The following NUP214 variants were observed in gnomAD, a reference collection of about 807,000 sequenced individuals.
NUP214 encodes nuclear pore complex protein Nup214.
Under a neutral mutation model 196.2 loss-of-function variants are expected in NUP214, and 79 were observed. That is an observed-to-expected ratio of 0.40 (90% confidence interval 0.34 to 0.49). The LOEUF (loss-of-function observed/expected upper bound fraction) is 0.49, where lower values mean the gene tolerates loss of function less well. Among genes scored for constraint, NUP214 ranks in the 20% least tolerant of loss-of-function variants. The pLI is 0.58. For missense variants in NUP214, 2,468 were observed against 2,539.0 expected (o/e 0.97, Z 0.60); for synonymous variants, 1,020 against 990.5 (o/e 1.03, Z -0.56).
intron 6 of NUP214, 154 bp from the exon 7 acceptor site, chr9:131,132,952 T>C: frequency 3.0e-6 from 2 of 662,368 alleles, no homozygotes; most frequent in Admixed American, 3.1e-5. Context: ...TTTGGGCTTC[T>C]TGGGTCATTG....
intron 23 of NUP214, among the ~76,000 whole-genome samples, chr9:131,176,760 A>G (rs752190103): frequency 1.6e-4 from 24 of 152,138 alleles, no homozygotes; most frequent in Non-Finnish European, 2.9e-4. Context: ...GTTAATGTAC[A>G]TTGTACATTA....
intron 24 of NUP214, 122 bp from the exon 25 acceptor site, chr9:131,187,167 C>T (rs1378020631): frequency 2.7e-6 from 2 of 729,044 alleles, no homozygotes; most frequent in Middle Eastern, 2.4e-4. Flanking sequence ...TATTGGGGTC[C>T]CATGCATCTG....
chr9:131,225,710 A>T (rs1834701466), intron 32 of NUP214, among the ~76,000 whole-genome samples: 1 of 152,288 alleles, frequency 6.6e-6, no homozygotes, highest in South Asian at 2.1e-4. Context: ...AGGGGACTGG[A>T]AGTCCCGAGC....
Position 131,146,304 on chromosome 9 carries a change from G to C in NUP214, c.1945G>C (p.Gly649Arg). Reference sequence around the variant, plus strand: ...GTCCTCAGTCTTGCCCTCACCATCAGGTATGATTTTAAGCAGACAACTTTA... The same window carrying C: ...GTCCTCAGTCTTGCCCTCACCATCACGTATGATTTTAAGCAGACAACTTTA... The part of the protein sequence containing the change: ...LKSSVLPSPS[G>R]RSAQGSSSPV... The change falls in exon 13 of 36, where the codon GGA becomes CGA. Residue 649 changes from glycine to arginine, a missense_variant and splice_region_variant. Gly to Arg is a moderately radical substitution (Grantham distance 125). This residue lies in a region of NUP214 where 1,801 missense variants were observed against 1,779.4 expected (regional missense o/e 1.01). Transcript: ENST00000359428. This position sits in a 1 kb window ranked among gnomAD's most constrained non-coding sequence, Gnocchi z 4.6. The C allele has an allele frequency of 1.2e-6, 2 of 1,613,862 alleles. No individual in the cohort carries two copies. The highest frequency in any genetic ancestry group is 1.7e-6 in the Non-Finnish European group (2 of 1,179,814).
At chr9:131,199,140 G>C (rs1833878386) in intron 29 of NUP214, 125 bp downstream of exon 29, 1 of 1,218,254 alleles carries the variant, frequency 8.2e-7, no homozygotes. Context: ...GTAGGTTAAA[G>C]AAGACAGCTT....
In NUP214 at chr9:131,174,447, CTTTTTTTCTTTT is replaced by C. The variant is rs1322568102; in HGVS notation, c.3157+137_3157+148del. ...CTCCAGCCCACTTTTTTTTTTTTTT[CTTTTTTTCTTTT>C]TTTTTTTGAGGTGGAGTCTCACTCT... On this transcript the variant is annotated intron_variant, in intron 22 of 35. Coordinates refer to ENST00000359428, the MANE Select transcript of NUP214 (RefSeq NM_005085.4). 6.6e-5 allele frequency: 23 copies of C among 350,278 alleles called. 1 individual carries two copies. The highest frequency in any genetic ancestry group is 1.0e-4 in the South Asian group (3 of 30,132). 21.7% of individuals were successfully genotyped at this position (350,278 alleles called of 1,614,324 possible).
At position 131,151,725 on chromosome 9, in the gene NUP214, A is replaced by C; in HGVS notation, c.2278-11A>C. The C allele has an allele frequency of 1.3e-6, 2 of 1,596,920 alleles. No individual in the cohort carries two copies. The highest frequency in any genetic ancestry group is 1.7e-6 in the Non-Finnish European group (2 of 1,175,018). On this transcript the variant is annotated splice_polypyrimidine_tract_variant and intron_variant, in intron 16 of 35. Transcript: ENST00000359428. Reference sequence around the variant, plus strand: ...ACTTTTTGTACCAACACATTATTGTACTTTTTCTAGTCGCTTCATGGAGAT... The same window carrying C: ...ACTTTTTGTACCAACACATTATTGTCCTTTTTCTAGTCGCTTCATGGAGAT...
chr9:131,227,473 AAAG>A (rs2131103909), intron 32 of NUP214, among the ~76,000 whole-genome samples: 1 of 152,236 alleles, frequency 6.6e-6, no homozygotes, highest in Non-Finnish European at 1.5e-5. Flanking sequence ...CTGCAGGAAA[AAAG>A]CATTTAAAAA....
chr9:131,128,973 A>G (rs866941317), intron 3 of NUP214, among the ~76,000 whole-genome samples: 1 of 152,218 alleles, frequency 6.6e-6, no homozygotes, highest in African/African-American at 2.4e-5. Context: ...AGGTCCCAAC[A>G]TTATTAAGAA....
chr9:131,215,716 C>T (rs1405318606), intron 31 of NUP214, among the ~76,000 whole-genome samples: 1 of 151,852 alleles, frequency 6.6e-6, no homozygotes, highest in Non-Finnish European at 1.5e-5. Context: ...CAGAGCAAGC[C>T]GAGGATGCTG....
At position 131,135,995 on chromosome 9, in the gene NUP214, C is replaced by G. The variant is rs1233235689; in HGVS notation, c.994C>G (p.Gln332Glu). The G allele has an allele frequency of 6.2e-7, 1 of 1,612,608 alleles. No individual in the cohort carries two copies. Among genetic ancestry groups the G allele is most frequent in the Non-Finnish European group, 8.5e-7 (1 of 1,178,732 alleles). ...AACAGAAGTTAGTATCCTTGCTCGA[C>G]AAAGTGATCAGGTAAATCTCTTTTT... Reference protein sequence around the residue: ...ASTEVSILARQSDQINWESWL... With the variant: ...ASTEVSILARESDQINWESWL... Residue 332 changes from glutamine (Q) to glutamate (E), a missense_variant, in exon 9 of 36, where the codon CAA becomes GAA. Physicochemically the swap from Gln to Glu is conservative, Grantham distance 29. Transcript: ENST00000359428.
intron 11 of NUP214, chr9:131,141,732 G>A (rs540418934): frequency 1.3e-5 from 2 of 152,230 alleles, no homozygotes; most frequent in East Asian, 3.9e-4. Flanking sequence ...TTCTGCTTCA[G>A]CCTCCCAAAG....
At chr9:131,169,034 G>GTTTTTTT (rs58054099) in intron 21 of NUP214, among the ~76,000 whole-genome samples, 2 of 124,132 alleles carry the variant, frequency 1.6e-5, no homozygotes, top group South Asian at 2.4e-4. Flanking sequence ...GTTTTTTTTT[G>GTTTTTTT]TTTTTTTTTT....
At chr9:131,227,530 A>G (rs139088218) in intron 32 of NUP214, among the ~76,000 whole-genome samples, 2 of 151,884 alleles carry the variant, frequency 1.3e-5, no homozygotes, top group African/African-American at 4.8e-5. Context: ...GGAGACTCTG[A>G]TGAGAGACGT....
At chr9:131,189,625 T>C (rs781743567) in intron 26 of NUP214, among the ~76,000 whole-genome samples, 88 of 152,306 alleles carry the variant, frequency 5.8e-4, no homozygotes, top group Non-Finnish European at 4.3e-4. Context: ...TGAGTCGATA[T>C]TATGAGATTT....
intron 4 of NUP214, among the ~76,000 whole-genome samples, chr9:131,129,949 CA>C (rs901151708): frequency 3.3e-5 from 5 of 151,830 alleles, no homozygotes; most frequent in Admixed American, 2.6e-4. Flanking sequence ...AGCCAAACAG[CA>C]TACATAATTT....
At chr9:131,140,775 G>A in intron 11 of NUP214, 65 bp downstream of exon 11, 1 of 1,479,600 alleles carries the variant, frequency 6.8e-7, no homozygotes, top group Non-Finnish European at 9.3e-7. Flanking sequence ...GTATTTCCAA[G>A]AATGAACATG....
chr9:131,220,049 AC>A (rs149557064), intron 31 of NUP214, among the ~76,000 whole-genome samples: 2,841 of 152,332 alleles, frequency 0.019, 43 homozygotes, highest in Middle Eastern at 0.065. Flanking sequence ...CAAATAAAAG[AC>A]CAAAGAAGAT....
In NUP214 at chr9:131,175,436, A is replaced by G. The variant is rs770792217; in HGVS notation, c.3158-24A>G. 6 of 1,613,704 alleles carry G rather than the reference A, an allele frequency of 3.7e-6. No individual in the cohort carries two copies. In the Admixed American group the frequency reaches 5.0e-5, roughly 13 times the overall value. ...TTTTCCTGTTCTCTCACCCACTCAC[A>G]CTTAATTTTTCTTTTCCTCTTAGTG... On this transcript the variant is annotated intron_variant, in intron 22 of 35. Transcript: ENST00000359428.
Sources: gnomAD v4.1 joint callset for allele counts (sites outside exome capture counted in the v4.1 genomes callset) on GRCh38, gnomAD v4.1.1 for gene constraint, gnomAD v4.1.1 regional missense constraint, Gnocchi (gnomAD v3.1) non-coding constraint, MANE v1.5 for transcripts, NCBI Gene and HGNC (gene_info 2026-07-23, HGNC 2026-07-21) for gene names.